The following SLCO3A1 variants were observed in gnomAD, a reference collection of about 807,000 sequenced individuals.
SLCO3A1 encodes the protein PGE1 transporter.
In SLCO3A1, 27 loss-of-function variants were observed where a neutral mutation model predicts 63.1. That is an observed-to-expected ratio of 0.43 (90% confidence interval 0.32 to 0.59). The LOEUF (loss-of-function observed/expected upper bound fraction) is 0.59, where lower values mean the gene tolerates loss of function less well. Among genes scored for constraint, SLCO3A1 ranks in the 20% least tolerant of loss-of-function variants. The pLI, the probability that SLCO3A1 is intolerant of heterozygous loss-of-function variation, is 0.09. For synonymous variants in SLCO3A1, 473 were observed against 409.9 expected, an observed-to-expected ratio of 1.15 and a Z score of -1.86; for missense variants, 773 against 945.8, an observed-to-expected ratio of 0.82 and a Z score of 2.40.
chr15:91,896,262 C>G (rs900868364), intron 1 of SLCO3A1, among the ~76,000 whole-genome samples: 1 of 152,186 alleles, frequency 6.6e-6, no homozygotes, highest in Non-Finnish European at 1.5e-5. Context: ...TGGAAACCAG[C>G]ATGTTACATC....
intron 7 of SLCO3A1, among the ~76,000 whole-genome samples, chr15:92,144,402 A>C (rs2048193080): frequency 6.6e-6 from 1 of 152,226 alleles, no homozygotes; most frequent in African/African-American, 2.4e-5. Context: ...CACCTTAAAA[A>C]AGAGTAACAT....
rs942348038 is a variant in SLCO3A1, at chr15:91,872,364, C to T, written c.180+18276C>T. Among the ~76,000 whole-genome samples, 93 of 152,146 alleles carry T rather than the reference C, an allele frequency of 6.1e-4. No individual in the cohort carries two copies. The highest frequency in any genetic ancestry group is 2.2e-3 in the African/African-American group (93 of 41,502). On this transcript the variant is annotated intron_variant, in intron 1 of 9. Coordinates refer to ENST00000318445, the MANE Select transcript of SLCO3A1 (RefSeq NM_013272.4). The surrounding 1 kb of genome is among the most constrained non-coding windows in gnomAD (Gnocchi z 4.1). Reference sequence around the variant, plus strand: ...TGGCCAACGTGGTGAAACCCCTTCTCTACTAAAAATACAAAAAAATAGCCG... The same window carrying T: ...TGGCCAACGTGGTGAAACCCCTTCTTTACTAAAAATACAAAAAAATAGCCG...
intron 9 of SLCO3A1, among the ~76,000 whole-genome samples, chr15:92,156,999 T>C (rs2048379198): frequency 6.6e-6 from 1 of 152,230 alleles, no homozygotes; most frequent in Non-Finnish European, 1.5e-5. Flanking sequence ...TCTCTGTTAA[T>C]AGATTTCAGG....
intron 2 of SLCO3A1, among the ~76,000 whole-genome samples, chr15:91,998,327 C>G (rs1311885412): frequency 2.0e-5 from 3 of 151,758 alleles, no homozygotes; most frequent in Non-Finnish European, 4.4e-5. Context: ...GGTGGCGCAC[C>G]CCTGTAATCC....
intron 3 of SLCO3A1, among the ~76,000 whole-genome samples, chr15:92,095,338 T>C (rs1031188988): frequency 2.0e-5 from 3 of 152,210 alleles, no homozygotes; most frequent in Non-Finnish European, 4.4e-5. Context: ...CATATCCTCA[T>C]TGAGTGGGGG....
At chr15:91,964,296 A>AC (rs556419899) in intron 2 of SLCO3A1, among the ~76,000 whole-genome samples, 1 of 151,254 alleles carries the variant, frequency 6.6e-6, no homozygotes, top group East Asian at 2.0e-4. Context: ...GTCATCTGTA[A>AC]TTTTTTTTTG....
chr15:92,085,136 G>C (rs746630726), intron 2 of SLCO3A1, among the ~76,000 whole-genome samples: 87 of 152,304 alleles, frequency 5.7e-4, no homozygotes, highest in Non-Finnish European at 9.4e-4. Flanking sequence ...GGCTCCCCAG[G>C]TTTCCAGGCA....
intron 4 of SLCO3A1, among the ~76,000 whole-genome samples, chr15:92,111,270 T>C (rs111598137): frequency 0.032 from 4,897 of 152,268 alleles, 218 homozygotes; most frequent in African/African-American, 0.11. Flanking sequence ...CATTACCATC[T>C]AGCAGTCAGT....
Position 91,882,646 on chromosome 15 carries a change from C to G in SLCO3A1, c.180+28558C>G, listed in dbSNP as rs911284205. Among the ~76,000 whole-genome samples the G allele has an allele frequency of 6.6e-6, 1 of 152,142 alleles. No individual in the cohort carries two copies. The highest frequency in any genetic ancestry group is 1.5e-5 in the Non-Finnish European group (1 of 68,036). ...TCTCTTGCTTCAGCCTCCCGAGTAG[C>G]TGGGACCACAGGCGTATGCACCACC... On this transcript the variant is annotated intron_variant, in intron 1 of 9. Coordinates refer to ENST00000318445, the MANE Select transcript of SLCO3A1 (RefSeq NM_013272.4). This position sits in a 1 kb window ranked among gnomAD's most constrained non-coding sequence, Gnocchi z 4.4.
chr15:91,882,677 G>A lies in SLCO3A1; in HGVS notation c.180+28589G>A, dbSNP rs934020659. On this transcript the variant is annotated intron_variant, in intron 1 of 9. Transcript: ENST00000318445. The surrounding 1 kb of genome is among the most constrained non-coding windows in gnomAD (Gnocchi z 4.4). ...CCACAGGCGTATGCACCACCACCACGTCCAGCTAACTTTTTTGTATTTTTA... is the reference window on the plus strand; with the variant it reads ...CCACAGGCGTATGCACCACCACCACATCCAGCTAACTTTTTTGTATTTTTA... 3.3e-5 allele frequency among the ~76,000 whole-genome samples: 5 copies of A among 152,002 alleles called. No individual in the cohort carries two copies. The highest frequency in any genetic ancestry group is 1.3e-4 in the Admixed American group (2 of 15,272).
chr15:92,114,052 GC>G (rs2047762103), intron 4 of SLCO3A1, among the ~76,000 whole-genome samples: 2 of 152,138 alleles, frequency 1.3e-5, no homozygotes, highest in African/African-American at 4.8e-5. Context: ...AGCAATGGGG[GC>G]GTTCTTTGAT....
At chr15:92,071,963 T>C (rs943792896) in intron 2 of SLCO3A1, among the ~76,000 whole-genome samples, 3 of 152,222 alleles carry the variant, frequency 2.0e-5, no homozygotes, top group African/African-American at 7.2e-5. Flanking sequence ...GGGTCCTTTT[T>C]TCAGCTGTCA....
intron 2 of SLCO3A1, among the ~76,000 whole-genome samples, chr15:92,015,051 A>T (rs976668691): frequency 6.6e-6 from 1 of 152,164 alleles, no homozygotes; most frequent in Admixed American, 6.5e-5. Flanking sequence ...TGGACAGCAG[A>T]GAAATACTGG....
At chr15:91,907,914 C>G (rs1412738450) in intron 1 of SLCO3A1, among the ~76,000 whole-genome samples, 1 of 152,104 alleles carries the variant, frequency 6.6e-6, no homozygotes, top group African/African-American at 2.4e-5. Context: ...ATGAAAGACC[C>G]AGGTGTAGAG....
Position 92,163,613 on chromosome 15 carries a change from C to T in SLCO3A1, c.*478C>T, listed in dbSNP as rs566239867. On this transcript the variant is annotated 3_prime_UTR_variant, in exon 10 of 10. Coordinates refer to ENST00000318445, the MANE Select transcript of SLCO3A1 (RefSeq NM_013272.4). ...GCCAGATTAAGCACTAGTGACACACCCCGTGCCACCCTCTTCCTCCAGGTG... is the reference window on the plus strand; with the variant it reads ...GCCAGATTAAGCACTAGTGACACACTCCGTGCCACCCTCTTCCTCCAGGTG... 104 of 985,178 alleles carry T rather than the reference C, an allele frequency of 1.1e-4. No homozygotes were observed. The highest frequency in any genetic ancestry group is 8.7e-5 in the Non-Finnish European group (72 of 829,866). 61.0% of individuals were successfully genotyped at this position (985,178 alleles called of 1,614,324 possible). A position where few individuals can be genotyped will look rare whatever the true frequency, so the allele number is the denominator to read the frequency against.
At chr15:92,030,801 A>G (rs2046637709) in intron 2 of SLCO3A1, among the ~76,000 whole-genome samples, 1 of 152,118 alleles carries the variant, frequency 6.6e-6, no homozygotes, top group Non-Finnish European at 1.5e-5. Flanking sequence ...CTCGCATTCT[A>G]AGTACACCGG....
At chr15:91,931,781 G>T (rs930276862) in intron 2 of SLCO3A1, among the ~76,000 whole-genome samples, 1 of 90,494 alleles carries the variant, frequency 1.1e-5, no homozygotes, top group Non-Finnish European at 2.3e-5. Context: ...GGTGTCTTAA[G>T]TGTGGAAACA....
chr15:91,946,226 C>T (rs559040373), intron 2 of SLCO3A1, among the ~76,000 whole-genome samples: 1 of 152,234 alleles, frequency 6.6e-6, no homozygotes, highest in South Asian at 2.1e-4. Context: ...GTCTTCTCTG[C>T]GGAGAGGTTG....
intron 6 of SLCO3A1, among the ~76,000 whole-genome samples, chr15:92,128,000 C>T (rs1021520079): frequency 6.6e-6 from 1 of 152,096 alleles, no homozygotes; most frequent in African/African-American, 2.4e-5. Context: ...CTGAGCAGTC[C>T]CAACTGCCAC....
Sources: allele counts gnomAD v4.1 joint callset (sites outside exome capture counted in the v4.1 genomes callset), GRCh38; gene constraint gnomAD v4.1.1; non-coding constraint Gnocchi (gnomAD v3.1); transcripts MANE v1.5; gene names NCBI Gene and HGNC (gene_info 2026-07-23, HGNC 2026-07-21).